DSCAM: variants seen among roughly 807,000 people sequenced by gnomAD.
DSCAM encodes DS cell adhesion molecule.
DSCAM carries 47 observed loss-of-function variants against 217.7 expected under a neutral mutation model. That is an observed-to-expected ratio of 0.22 (90% CI 0.17 to 0.28). DSCAM has a LOEUF of 0.28. DSCAM is among the 10% of genes least tolerant of loss of function. The pLI is 1.00. For synonymous variants in DSCAM, 1,056 were observed against 1,015.3 expected, an observed-to-expected ratio of 1.04 and a Z score of -0.76; for missense variants, 2,080 against 2,618.3, an observed-to-expected ratio of 0.79 and a Z score of 4.49.
intron 11 of DSCAM, among the ~76,000 whole-genome samples, chr21:40,202,131 T>C (rs1320425851): frequency 6.6e-6 from 1 of 152,156 alleles, no homozygotes; most frequent in East Asian, 1.9e-4. Flanking sequence ...GAGAGGACCA[T>C]GAGAAGGACA....
intron 32 of DSCAM, among the ~76,000 whole-genome samples, chr21:40,021,400 T>G (rs1226096757): frequency 6.6e-6 from 1 of 152,064 alleles, no homozygotes; most frequent in African/African-American, 2.4e-5. Flanking sequence ...CCACCCACTT[T>G]GAACGGCCCT....
chr21:40,209,177 A>T (rs2091157237), intron 11 of DSCAM, among the ~76,000 whole-genome samples: 1 of 152,128 alleles, frequency 6.6e-6, no homozygotes, highest in African/African-American at 2.4e-5. Flanking sequence ...TGATGAAGTG[A>T]AGTGCACATG....
intron 3 of DSCAM, among the ~76,000 whole-genome samples, chr21:40,563,704 G>GCA (rs1555858226): frequency 7.0e-6 from 1 of 142,812 alleles, no homozygotes; most frequent in East Asian, 2.1e-4. Context: ...TTATATGTGT[G>GCA]TATATAGTTA....
intron 3 of DSCAM, among the ~76,000 whole-genome samples, chr21:40,689,262 C>T (rs2090514770): frequency 6.6e-6 from 1 of 152,216 alleles, no homozygotes; most frequent in Non-Finnish European, 1.5e-5. Context: ...TTTACCTTCA[C>T]CAGGATTTCC....
At chr21:40,782,235 C>T (rs1601253022) in intron 1 of DSCAM, among the ~76,000 whole-genome samples, 1 of 152,184 alleles carries the variant, frequency 6.6e-6, no homozygotes, top group East Asian at 1.9e-4. Flanking sequence ...AAGCCCCACT[C>T]TCCAAGCCCA....
At chr21:40,610,032 A>G (rs2089292281) in intron 3 of DSCAM, among the ~76,000 whole-genome samples, 1 of 152,256 alleles carries the variant, frequency 6.6e-6, no homozygotes, top group African/African-American at 2.4e-5. Context: ...TCTTAGGTTC[A>G]CAGGATACCT....
intron 1 of DSCAM, among the ~76,000 whole-genome samples, chr21:40,758,507 ACT>A (rs1488465374): frequency 2.1e-5 from 2 of 96,748 alleles, no homozygotes; most frequent in African/African-American, 8.6e-5. Context: ...ACAGAGCAAG[ACT>A]CTGTCTCAAA....
intron 11 of DSCAM, among the ~76,000 whole-genome samples, chr21:40,255,454 C>T (rs1330170208): frequency 2.0e-5 from 3 of 152,132 alleles, no homozygotes; most frequent in African/African-American, 7.2e-5. Context: ...AAGACCTCCC[C>T]GGCCTAATCT....
chr21:40,368,274 T>C (rs1275874660), intron 4 of DSCAM, among the ~76,000 whole-genome samples: 1 of 152,192 alleles, frequency 6.6e-6, no homozygotes, highest in Admixed American at 6.6e-5. Flanking sequence ...AATATTGTGC[T>C]CTCCTTAAAG....
chr21:40,497,591 C>T (rs899202475), intron 3 of DSCAM, among the ~76,000 whole-genome samples: 2 of 152,108 alleles, frequency 1.3e-5, no homozygotes, highest in African/African-American at 4.8e-5. Context: ...ATATTGTATT[C>T]CTGAAAAGCC....
At chr21:40,780,421 GTGTATA>G (rs1359966809) in intron 1 of DSCAM, among the ~76,000 whole-genome samples, 2 of 48,040 alleles carry the variant, frequency 4.2e-5, no homozygotes, top group South Asian at 7.2e-4. Context: ...GTGTGTGTGT[GTGTATA>G]TATATATATA....
rs1002182176 is a variant in DSCAM, at chr21:40,074,900, A to G, written c.4888+137T>C. ...CAGTCTCGCTGAAGGAATGTCAGAG[A>G]ACCAGGCAGTGGAGGGACCTGGGTT... is the stretch of plus-strand genomic sequence containing the variant. On this transcript the variant is annotated intron_variant, in intron 27 of 32. Transcript: ENST00000400454. The G allele has an allele frequency of 5.4e-5, 44 of 816,342 alleles. No individual in the cohort carries two copies. In the African/African-American group the frequency reaches 7.2e-4, roughly 13 times the overall value. The allele number at this position is 816,342 out of a possible 1,614,324, so 50.6% of individuals were successfully genotyped here. A position where few individuals can be genotyped will look rare whatever the true frequency, so the allele number is the denominator to read the frequency against.
chr21:40,340,357 A>G (rs1372875582), intron 6 of DSCAM, among the ~76,000 whole-genome samples: 1 of 152,150 alleles, frequency 6.6e-6, no homozygotes, highest in African/African-American at 2.4e-5. Flanking sequence ...TATCATCCAT[A>G]TGGTTTTTTC....
intron 1 of DSCAM, among the ~76,000 whole-genome samples, chr21:40,750,040 G>A (rs765003130): frequency 9.2e-5 from 14 of 151,704 alleles, no homozygotes; most frequent in Non-Finnish European, 1.9e-4. Flanking sequence ...TGATTCTCCT[G>A]CCTCAGCCTC....
intron 19 of DSCAM, among the ~76,000 whole-genome samples, chr21:40,132,660 T>C (rs949720970): frequency 6.6e-6 from 1 of 152,154 alleles, no homozygotes; most frequent in African/African-American, 2.4e-5. Flanking sequence ...AGTGGATGCC[T>C]GGGGCTGCTC....
chr21:40,431,908 G>C (rs1452817052), intron 3 of DSCAM, among the ~76,000 whole-genome samples: 1 of 152,162 alleles, frequency 6.6e-6, no homozygotes, highest in Non-Finnish European at 1.5e-5. Context: ...TCTTATAAAT[G>C]TATTCTTCTG....
chr21:40,225,663 A>G lies in DSCAM; in HGVS notation c.2357-36425T>C, dbSNP rs116369847. On this transcript the variant is annotated intron_variant, in intron 11 of 32. Coordinates refer to ENST00000400454, the MANE Select transcript of DSCAM (RefSeq NM_001389.5). The stretch of plus-strand genomic sequence containing the variant: ...GCAGACCTTGTTGATAAACGTCTCT[A>G]TATTCCCGGAGGCCAGTTGCTTCCC... 3.6e-3 allele frequency among the ~76,000 whole-genome samples: 542 copies of G among 152,190 alleles called. 4 individuals are homozygous for G. The highest frequency in any genetic ancestry group is 0.012 in the African/African-American group (509 of 41,532).
At chr21:40,099,206 A>T (rs954060207) in intron 20 of DSCAM, among the ~76,000 whole-genome samples, 3 of 152,210 alleles carry the variant, frequency 2.0e-5, no homozygotes, top group African/African-American at 7.2e-5. Flanking sequence ...ACAAGGTAAA[A>T]TTCGTTCTTG....
At chr21:40,253,495 C>T (rs1478834460) in intron 11 of DSCAM, among the ~76,000 whole-genome samples, 1 of 152,122 alleles carries the variant, frequency 6.6e-6, no homozygotes, top group Non-Finnish European at 1.5e-5. Flanking sequence ...AATGAGGTGA[C>T]TTATGGTGGG....
Sources: gnomAD v4.1 joint callset for allele counts (sites outside exome capture counted in the v4.1 genomes callset) on GRCh38, gnomAD v4.1.1 for gene constraint, MANE v1.5 for transcripts, NCBI Gene and HGNC (gene_info 2026-07-23, HGNC 2026-07-21) for gene names.